PCDHGA5: variants seen among roughly 807,000 people sequenced by gnomAD.
The protein encoded by PCDHGA5 is protocadherin gamma subfamily A, 5, also known as protocadherin gamma-A5.
In PCDHGA5, 36 loss-of-function variants were observed where a neutral mutation model predicts 56.7. That is an observed-to-expected ratio of 0.64 (90% CI 0.49 to 0.84). The LOEUF (loss-of-function observed/expected upper bound fraction) is 0.84, where lower values mean the gene tolerates loss of function less well. Among genes scored for constraint, PCDHGA5 ranks in the 40% least tolerant of loss-of-function variants. PCDHGA5 has a pLI of 0.00. For synonymous variants in PCDHGA5, 563 were observed against 520.2 expected, an observed-to-expected ratio of 1.08 and a Z score of -1.12; for missense variants, 1,305 against 1,201.5, an observed-to-expected ratio of 1.09 and a Z score of -1.27.
chr5:141,490,288 G>T lies in PCDHGA5; in HGVS notation c.2422-4519G>T, dbSNP rs2099698282. 1.2e-6 allele frequency: 2 copies of T among 1,614,080 alleles called. No homozygotes were observed. Among genetic ancestry groups the T allele is most frequent in the South Asian group, 1.1e-5 (1 of 91,092 alleles). On this transcript the variant is annotated intron_variant, in intron 1 of 3. Transcript: ENST00000518069. This position sits in a 1 kb window ranked among gnomAD's most constrained non-coding sequence, Gnocchi z 5.4. ...GGATGTCAATGACAATGCCCCAGAG[G>T]TGCTATTGGCCTCTTTGGCCAACCC...
At chr5:141,463,831 C>T (rs2099070299) in intron 1 of PCDHGA5, among the ~76,000 whole-genome samples, 1 of 152,174 alleles carries the variant, frequency 6.6e-6, no homozygotes, top group African/African-American at 2.4e-5. Flanking sequence ...TGATCCACTT[C>T]CCAGTTGTTA....
chr5:141,435,929 G>A (rs926025053), intron 1 of PCDHGA5, among the ~76,000 whole-genome samples: 10 of 152,134 alleles, frequency 6.6e-5, no homozygotes, highest in African/African-American at 2.4e-4. Flanking sequence ...TGCGGCAGTT[G>A]CTGCTTCTGA....
chr5:141,473,479 G>A (rs1417960508), intron 1 of PCDHGA5, among the ~76,000 whole-genome samples: 1 of 152,118 alleles, frequency 6.6e-6, no homozygotes, highest in Non-Finnish European at 1.5e-5. Flanking sequence ...AAGTTCAATG[G>A]AAAAAATATA....
chr5:141,472,454 C>T (rs538141635), intron 1 of PCDHGA5, among the ~76,000 whole-genome samples: 3 of 151,192 alleles, frequency 2.0e-5, no homozygotes, highest in South Asian at 4.2e-4. Context: ...GCAGGAGAAT[C>T]GCTTGAACCC....
rs1200950542 is a variant in PCDHGA5, at chr5:141,409,998, G to A, written c.2421+43247G>A. 4 of 1,613,236 alleles carry A rather than the reference G, an allele frequency of 2.5e-6. No homozygotes were observed. In the Admixed American group the frequency reaches 6.7e-5, roughly 27 times the overall value. On this transcript the variant is annotated intron_variant, in intron 1 of 3. Coordinates refer to ENST00000518069, the MANE Select transcript of PCDHGA5 (RefSeq NM_018918.3). ...GTGGTAGCGGTGGACGCCGACTCGGGACACAACGCCTGGCTGTCCTACCAC... is the reference window on the plus strand; with the variant it reads ...GTGGTAGCGGTGGACGCCGACTCGGAACACAACGCCTGGCTGTCCTACCAC...
chr5:141,506,109 A>G (rs1027886504), intron 3 of PCDHGA5, among the ~76,000 whole-genome samples: 5 of 152,126 alleles, frequency 3.3e-5, no homozygotes, highest in Middle Eastern at 3.2e-3. Flanking sequence ...GTCCCTGAAG[A>G]GTCACTAGGG....
intron 3 of PCDHGA5, 152 bp from the exon 4 acceptor site, chr5:141,510,795 G>C (rs994874330): frequency 9.3e-5 from 136 of 1,465,100 alleles, no homozygotes; most frequent in Admixed American, 1.7e-4. Flanking sequence ...CTTGTGAAGA[G>C]AGACTACCTT....
chr5:141,453,116 GT>G (rs2098756689), intron 1 of PCDHGA5, among the ~76,000 whole-genome samples: 1 of 151,698 alleles, frequency 6.6e-6, no homozygotes, highest in Admixed American at 6.6e-5. Context: ...GTTTTGTTTT[GT>G]TTTGTTTTGT....
At chr5:141,507,558 G>A (rs573728108) in intron 3 of PCDHGA5, among the ~76,000 whole-genome samples, 57 of 152,346 alleles carry the variant, frequency 3.7e-4, no homozygotes, top group African/African-American at 1.3e-3. Context: ...AGTGGCAGGC[G>A]GCTGGGTCTG....
chr5:141,473,349 T>G (rs2099319716), intron 1 of PCDHGA5, among the ~76,000 whole-genome samples: 1 of 152,232 alleles, frequency 6.6e-6, no homozygotes, highest in Non-Finnish European at 1.5e-5. Context: ...ACAGTGAGGA[T>G]GCAAGTGGCC....
chr5:141,364,162 G>T lies in PCDHGA5; in HGVS notation c.-169G>T, dbSNP rs1431333863. 1.5e-6 allele frequency: 1 copy of T among 667,104 alleles called. No homozygotes were observed. Among genetic ancestry groups the T allele is most frequent in the Non-Finnish European group, 2.2e-6 (1 of 447,888 alleles). 41.3% of individuals were successfully genotyped at this position (667,104 alleles called of 1,614,324 possible). ...GTGGGAAAGAAGCTGCCGCAGAGGC[G>T]ACCCGACTCTGCTCCCTCCATACTA... On this transcript the variant is annotated 5_prime_UTR_variant, in exon 1 of 4. Coordinates refer to ENST00000518069, the MANE Select transcript of PCDHGA5 (RefSeq NM_018918.3).
rs566838507 is a variant in PCDHGA5, at chr5:141,415,047, G to A, written c.2421+48296G>A. 5 of 1,613,392 alleles carry A rather than the reference G, an allele frequency of 3.1e-6. No homozygotes were observed. The African/African-American group carries it at 5.3e-5, about 17-fold the overall frequency. Reference sequence around the variant, plus strand: ...GCGAGCCGGGACTCTTCGCGGTGGGGGAGCACACGGGCGAGGTGCGCACGG... The same window carrying A: ...GCGAGCCGGGACTCTTCGCGGTGGGAGAGCACACGGGCGAGGTGCGCACGG... On this transcript the variant is annotated intron_variant, in intron 1 of 3. Coordinates refer to ENST00000518069, the MANE Select transcript of PCDHGA5 (RefSeq NM_018918.3).
Position 141,491,834 on chromosome 5 carries a change from CG to C in PCDHGA5, c.2422-2970del. On this transcript the variant is annotated intron_variant, in intron 1 of 3. Transcript: ENST00000518069. This position sits in a 1 kb window ranked among gnomAD's most constrained non-coding sequence, Gnocchi z 6.9. ...CGCTGGCTGCGCTCCACCCGATTCT[CG>C]GGATCATTGGACCGTTTGCGCGAAA... 1 of 1,473,830 alleles carries C rather than the reference CG, an allele frequency of 6.8e-7. No homozygotes were observed. Among genetic ancestry groups the C allele is most frequent in the Middle Eastern group, 1.8e-4 (1 of 5,590 alleles). The allele number at this position is 1,473,830 out of a possible 1,614,324, so 91.3% of individuals were successfully genotyped here.
At chr5:141,427,416 G>T (rs1457696807) in intron 1 of PCDHGA5, 2 of 466,124 alleles carry the variant, frequency 4.3e-6, no homozygotes, top group South Asian at 3.1e-5. Flanking sequence ...GAGAGAAAAT[G>T]GGGAGGTTAC....
intron 1 of PCDHGA5, chr5:141,399,765 G>A: frequency 6.2e-7 from 1 of 1,613,356 alleles, no homozygotes; most frequent in African/African-American, 1.3e-5. Flanking sequence ...GCCTGCGCGT[G>A]TTGGTGGGCG....
At chr5:141,393,740 TGAA>T in intron 1 of PCDHGA5, 1 of 1,613,888 alleles carries the variant, frequency 6.2e-7, no homozygotes, top group Non-Finnish European at 8.5e-7. Context: ...GTCTAGATTA[TGAA>T]GAATGTTCAT....
At position 141,428,093 on chromosome 5, in the gene PCDHGA5, C is replaced by T. The variant is rs577985465; in HGVS notation, c.2421+61342C>T. On this transcript the variant is annotated intron_variant, in intron 1 of 3. Transcript: ENST00000518069. ...ATTCGGGACACAACGCTTGGCTGTC[C>T]TACCACGTGCTGCAGGCCATCGAGC... 2.4e-4 allele frequency: 380 copies of T among 1,608,880 alleles called. 2 individuals are homozygous for T. The South Asian group carries it at 4.0e-3, about 17-fold the overall frequency.
rs894786663 is a variant in PCDHGA5 at position 141,371,734 on chromosome 5, A to G, written c.2421+4983A>G. The G allele has an allele frequency of 1.2e-6, 2 of 1,614,042 alleles. No individual in the cohort carries two copies. Among genetic ancestry groups the G allele is most frequent in the Non-Finnish European group, 1.7e-6 (2 of 1,179,892 alleles). ...ACTCTGCACATCCTTGATGTCAACG[A>G]CAACGTTCCCGTTTTCCACCAGGCC... On this transcript the variant is annotated intron_variant, in intron 1 of 3. Coordinates refer to ENST00000518069, the MANE Select transcript of PCDHGA5 (RefSeq NM_018918.3).
At chr5:141,437,903 A>G (rs1591482477) in intron 1 of PCDHGA5, among the ~76,000 whole-genome samples, 1 of 152,064 alleles carries the variant, frequency 6.6e-6, no homozygotes, top group East Asian at 1.9e-4. Context: ...ACACCCAGCT[A>G]ATTTTTGTAT....
Sources: gnomAD v4.1 joint callset for allele counts (sites outside exome capture counted in the v4.1 genomes callset) on GRCh38, gnomAD v4.1.1 for gene constraint, Gnocchi (gnomAD v3.1) non-coding constraint, MANE v1.5 for transcripts, NCBI Gene and HGNC (gene_info 2026-07-23, HGNC 2026-07-21) for gene names.